Variants in GGA1 observed in about 807,000 individuals in gnomAD.
GGA1 encodes ADP-ribosylation factor-binding protein GGA1.
GGA1 carries 18 observed loss-of-function variants against 76.9 expected under a neutral mutation model. The ratio of observed to expected loss-of-function variants is 0.23; its 90% CI spans 0.16 to 0.35. GGA1 has a LOEUF of 0.35. Ranked by LOEUF, GGA1 falls within the 10% of genes least tolerant of loss-of-function variation. GGA1 has a pLI of 1.00. For synonymous variants in GGA1, 342 were observed against 354.7 expected (o/e 0.96, Z 0.40); for missense variants, 755 against 859.0 (o/e 0.88, Z 1.51).
At chr22:37,608,931 G>GACCGGA (rs774220943) in intron 1 of GGA1, 28 bp downstream of exon 1, 289 of 1,324,874 alleles carry the variant, frequency 2.2e-4, no homozygotes, top group East Asian at 6.3e-4. Flanking sequence ...GCGCGGGCCG[G>GACCGGA]ACCGGAACCG....
intron 3 of GGA1, 68 bp downstream of exon 3, chr22:37,617,065 G>A: frequency 1.3e-6 from 2 of 1,554,098 alleles, no homozygotes; most frequent in Non-Finnish European, 1.7e-6. Flanking sequence ...CAAGACTGAG[G>A]TTCTTGGGGT....
Position 37,623,739 on chromosome 22 carries a change from A to G in GGA1, c.832+106A>G. On this transcript the variant is annotated intron_variant, in intron 9 of 16. Transcript: ENST00000343632. The surrounding 1 kb of genome is among the most constrained non-coding windows in gnomAD (Gnocchi z 4.6). ...GTATCTGCAGTTGGAAGGAGCCACC[A>G]CCAGGGGGCCCCCTTCTCCAGCACC... 6.3e-6 allele frequency: 5 copies of G among 798,254 alleles called. No individual in the cohort carries two copies. Among genetic ancestry groups the G allele is most frequent in the South Asian group, 1.7e-5 (1 of 60,262 alleles). The allele number at this position is 798,254 out of a possible 1,614,324, so 49.4% of individuals were successfully genotyped here.
intron 1 of GGA1, chr22:37,613,880 C>T: frequency 2.8e-6 from 1 of 355,034 alleles, no homozygotes; most frequent in Non-Finnish European, 5.4e-6. Context: ...ACACTGTTCT[C>T]AGCAGAATCA....
Position 37,620,820 on chromosome 22 carries a change from A to G in GGA1, c.435A>G (p.Val145=), listed in dbSNP as rs1929742018. ...GACACTCATCTAATCCAGGGATTGT[A>G]AAGTCCGACCCCAAGCTTCCAGATG... is the stretch of plus-strand genomic sequence containing the variant. The part of the protein sequence containing the change: ...AYQMLKKQGI[V]KSDPKLPDDT... Residue 145 remains valine (V), a synonymous_variant, in exon 6 of 17, where the codon GTA becomes GTG. Coordinates refer to ENST00000343632, the MANE Select transcript of GGA1 (RefSeq NM_013365.5). 1 of 1,601,614 alleles carries G rather than the reference A, an allele frequency of 6.2e-7. No homozygotes were observed. Among genetic ancestry groups the G allele is most frequent in the African/African-American group, 1.3e-5 (1 of 74,796 alleles).
chr22:37,611,007 C>T (rs1028464024), intron 1 of GGA1, among the ~76,000 whole-genome samples: 7 of 152,246 alleles, frequency 4.6e-5, no homozygotes, highest in African/African-American at 1.7e-4. Flanking sequence ...TCTGACCTCA[C>T]TCCAACTCAC....
At chr22:37,614,300 C>G in intron 2 of GGA1, 26 bp downstream of exon 2, 1 of 1,460,436 alleles carries the variant, frequency 6.8e-7, no homozygotes, top group Non-Finnish European at 9.6e-7. Flanking sequence ...CACTTGTTTG[C>G]ACTGCCCTGC....
At chr22:37,609,522 C>T (rs1216279483) in intron 1 of GGA1, among the ~76,000 whole-genome samples, 1 of 152,192 alleles carries the variant, frequency 6.6e-6, no homozygotes, top group Non-Finnish European at 1.5e-5. Context: ...TCCAAGCTCC[C>T]TGTCACTCCC....
intron 1 of GGA1, among the ~76,000 whole-genome samples, chr22:37,612,257 G>C (rs2145876492): frequency 6.6e-6 from 1 of 150,892 alleles, no homozygotes; most frequent in East Asian, 1.9e-4. Context: ...GAGGTTAGGA[G>C]ATCAAGACCA....
rs1930554781 is a variant in GGA1 at position 37,625,015 on chromosome 22, G to A, written c.879G>A (p.Leu293=). 1.2e-6 allele frequency: 2 copies of A among 1,602,242 alleles called. No individual in the cohort carries two copies. Among genetic ancestry groups the A allele is most frequent in the African/African-American group, 2.7e-5 (2 of 74,738 alleles). ...ACAACCTCACCCAGGTGATCAACCT[G>A]TATAAGCAGCTGGTGCGGGGTGAGG... ...ANDNLTQVIN[L]YKQLVRGEEV... Residue 293 remains leucine (L), a synonymous_variant, in exon 10 of 17, where the codon CTG becomes CTA. Coordinates refer to ENST00000343632, the MANE Select transcript of GGA1 (RefSeq NM_013365.5). The surrounding 1 kb of genome is among the most constrained non-coding windows in gnomAD (Gnocchi z 4.1).
intron 1 of GGA1, 105 bp from the exon 2 acceptor site, chr22:37,614,085 A>C: frequency 1.3e-6 from 1 of 791,968 alleles, no homozygotes; most frequent in Non-Finnish European, 2.3e-6. Flanking sequence ...CCACGTGCTC[A>C]GTCACACTCC....
chr22:37,623,518 G>A lies in GGA1; in HGVS notation c.751-34G>A, dbSNP rs367684711. On this transcript the variant is annotated intron_variant, in intron 8 of 16. Transcript: ENST00000343632. The surrounding 1 kb of genome is among the most constrained non-coding windows in gnomAD (Gnocchi z 4.6). ...ACTCCCTGCCCACTCCACAGCCCACGCGGACCCTGACCCGCCCATCCTGCT... is the reference window on the plus strand; with the variant it reads ...ACTCCCTGCCCACTCCACAGCCCACACGGACCCTGACCCGCCCATCCTGCT... The A allele has an allele frequency of 3.4e-5, 55 of 1,612,860 alleles. No homozygotes were observed. Among genetic ancestry groups the A allele is most frequent in the South Asian group, 1.9e-4 (17 of 91,056 alleles).
At position 37,633,487 on chromosome 22, in the gene GGA1, T is replaced by C. The variant is rs1167314024; in HGVS notation, c.*776T>C. The C allele has an allele frequency of 6.6e-6, 1 of 152,240 alleles. No homozygotes were observed. The highest frequency in any genetic ancestry group is 3.2e-3 in the Middle Eastern group (1 of 316). 9.4% of individuals were successfully genotyped at this position (152,240 alleles called of 1,614,324 possible). On this transcript the variant is annotated 3_prime_UTR_variant, in exon 17 of 17. Coordinates refer to ENST00000343632, the MANE Select transcript of GGA1 (RefSeq NM_013365.5). ...GGTGTCTTACGTCTGTCCATCCATC[T>C]GTCCGTGGTCAGAAGTGGGGTCAGT...
At position 37,632,891 on chromosome 22, in the gene GGA1, C is replaced by T. The variant is rs1462715675; in HGVS notation, c.*180C>T. 1.7e-6 allele frequency: 1 copy of T among 590,124 alleles called. No homozygotes were observed. The highest frequency in any genetic ancestry group is 2.0e-5 in the South Asian group (1 of 49,202). 36.6% of individuals were successfully genotyped at this position (590,124 alleles called of 1,614,324 possible). A position where few individuals can be genotyped will look rare whatever the true frequency, so the allele number is the denominator to read the frequency against. On this transcript the variant is annotated 3_prime_UTR_variant, in exon 17 of 17. Coordinates refer to ENST00000343632, the MANE Select transcript of GGA1 (RefSeq NM_013365.5). This position sits in a 1 kb window ranked among gnomAD's most constrained non-coding sequence, Gnocchi z 5.1. ...TTCCCCCTCCTGCTCCGGCCCCGCC[C>T]CTGCTGAGCCAAACCCAGTAGGAGG...
chr22:37,614,329 T>C, intron 2 of GGA1, 55 bp downstream of exon 2: 1 of 1,236,232 alleles, frequency 8.1e-7, no homozygotes, highest in Non-Finnish European at 1.2e-6. Context: ...GAACCCAGTC[T>C]CGGGTACAAT....
At position 37,630,180 on chromosome 22, in the gene GGA1, C is replaced by A; in HGVS notation, c.1331+10C>A. On this transcript the variant is annotated intron_variant, in intron 13 of 16. Transcript: ENST00000343632. The stretch of plus-strand genomic sequence containing the variant: ...CCCAGCAAGTGCGGTGGTGAGGGCC[C>A]ACCATGGCTGGCATGGGGTGGGGAG... The A allele has an allele frequency of 6.4e-7, 1 of 1,554,076 alleles. No individual in the cohort carries two copies.
rs1166827468 is a variant in GGA1, at chr22:37,632,594, TC to T, written c.1810-3del. 6.2e-7 allele frequency: 1 copy of T among 1,607,018 alleles called. No individual in the cohort carries two copies. The highest frequency in any genetic ancestry group is 1.7e-5 in the Admixed American group (1 of 60,000). ...TGACCCCTCTGCCTTTGCCATCTCTTCCCCAGGAGAAGGTTCGCCTCCGCTA... is the reference window on the plus strand; with the variant it reads ...TGACCCCTCTGCCTTTGCCATCTCTTCCCAGGAGAAGGTTCGCCTCCGCTA... On this transcript the variant is annotated splice_region_variant and splice_polypyrimidine_tract_variant and intron_variant, in intron 16 of 16. Coordinates refer to ENST00000343632, the MANE Select transcript of GGA1 (RefSeq NM_013365.5). This position sits in a 1 kb window ranked among gnomAD's most constrained non-coding sequence, Gnocchi z 5.1.
Position 37,632,644 on chromosome 22 carries a change from A to G in GGA1, c.1853A>G (p.Asp618Gly). ...TACAAGCTCACCTTCACCATGGGTG[A>G]CCAGACCTACAACGAGATGGGGGAT... is the stretch of plus-strand genomic sequence containing the variant. ...LRYKLTFTMG[D>G]QTYNEMGDVD... Residue 618 changes from aspartate (D) to glycine (G), a missense_variant, in exon 17 of 17, where the codon GAC becomes GGC. Transcript: ENST00000343632. This position sits in a 1 kb window ranked among gnomAD's most constrained non-coding sequence, Gnocchi z 5.1. 6.2e-7 allele frequency: 1 copy of G among 1,613,630 alleles called. No individual in the cohort carries two copies. The highest frequency in any genetic ancestry group is 1.1e-5 in the South Asian group (1 of 91,068).
chr22:37,618,435 C>A lies in GGA1; in HGVS notation c.205-13C>A, dbSNP rs200792493. 15 of 1,556,042 alleles carry A rather than the reference C, an allele frequency of 9.6e-6. No individual in the cohort carries two copies. The highest frequency in any genetic ancestry group is 1.7e-5 in the Admixed American group (1 of 59,828). On this transcript the variant is annotated splice_polypyrimidine_tract_variant and intron_variant, in intron 3 of 16. Coordinates refer to ENST00000343632, the MANE Select transcript of GGA1 (RefSeq NM_013365.5). ...CACCTGGGCGTCCCCTCCCATCCCC[C>A]CTCCCTGCACAGGTGCTGGAAACAT...
chr22:37,630,466 G>A (rs1296975195), intron 13 of GGA1, among the ~76,000 whole-genome samples: 1 of 152,158 alleles, frequency 6.6e-6, no homozygotes, highest in Admixed American at 6.5e-5. Flanking sequence ...CAGGGTGGAG[G>A]GAGAACACGA....
Sources: allele counts gnomAD v4.1 joint callset (sites outside exome capture counted in the v4.1 genomes callset), GRCh38; gene constraint gnomAD v4.1.1; non-coding constraint Gnocchi (gnomAD v3.1); transcripts MANE v1.5; gene names NCBI Gene and HGNC (gene_info 2026-07-23, HGNC 2026-07-21).